Variants in TRAF3 observed in about 807,000 individuals in gnomAD.
TRAF3 encodes the protein TNF receptor-associated factor 3.
Under a neutral mutation model 62.3 loss-of-function variants are expected in TRAF3, and 13 were observed. The observed-to-expected ratio is 0.21, with a 90% CI of 0.14 to 0.33. TRAF3 has a LOEUF of 0.33. Ranked by LOEUF, TRAF3 falls within the 10% of genes least tolerant of loss-of-function variation. The pLI, the probability that TRAF3 is intolerant of heterozygous loss-of-function variation, is 1.00. For missense variants in TRAF3, 440 were observed against 741.8 expected (o/e 0.59, Z 4.73); for synonymous variants, 269 against 283.4 (o/e 0.95, Z 0.51).
At chr14:102,851,753 G>A (rs1000690428) in intron 2 of TRAF3, among the ~76,000 whole-genome samples, 3 of 151,312 alleles carry the variant, frequency 2.0e-5, no homozygotes, top group African/African-American at 4.9e-5. Flanking sequence ...CAAAAAAAAA[G>A]AAATTATCAT....
At chr14:102,831,800 T>C (rs528704775) in intron 2 of TRAF3, among the ~76,000 whole-genome samples, 2 of 152,358 alleles carry the variant, frequency 1.3e-5, no homozygotes, top group South Asian at 4.1e-4. Context: ...TGGGCAGTTT[T>C]ATCATTCATC....
chr14:102,890,012 G>C (rs1352115223), intron 8 of TRAF3, among the ~76,000 whole-genome samples: 1 of 152,252 alleles, frequency 6.6e-6, no homozygotes, highest in Non-Finnish European at 1.5e-5. Context: ...TCAACAGCGT[G>C]TGTGTCAGTA....
At chr14:102,789,020 C>G (rs1276894277) in intron 1 of TRAF3, among the ~76,000 whole-genome samples, 2 of 152,178 alleles carry the variant, frequency 1.3e-5, no homozygotes, top group Non-Finnish European at 2.9e-5. Flanking sequence ...TAAGTAATCA[C>G]TCCCATTCCC....
At chr14:102,855,595 AG>A (rs1039527183) in intron 2 of TRAF3, among the ~76,000 whole-genome samples, 28 of 152,116 alleles carry the variant, frequency 1.8e-4, no homozygotes, top group Non-Finnish European at 3.4e-4. Context: ...CAGGAGTTTG[AG>A]ACCACCCTGG....
Position 102,891,314 on chromosome 14 carries a change from T to C in TRAF3, c.727-11T>C, listed in dbSNP as rs1889700083. The C allele has an allele frequency of 6.2e-7, 1 of 1,611,928 alleles. No individual in the cohort carries two copies. Among genetic ancestry groups the C allele is most frequent in the South Asian group, 1.1e-5 (1 of 90,810 alleles). The stretch of plus-strand genomic sequence containing the variant: ...AGGTTCGCTGAATGCCTCACATGTT[T>C]GCTCTCGCAGGGGACAAACCAGCAG... On this transcript the variant is annotated splice_polypyrimidine_tract_variant and intron_variant, in intron 8 of 11. Coordinates refer to ENST00000392745, the MANE Select transcript of TRAF3 (RefSeq NM_145725.3).
intron 1 of TRAF3, among the ~76,000 whole-genome samples, chr14:102,792,661 C>G (rs1443784477): frequency 6.6e-6 from 1 of 151,170 alleles, no homozygotes. Flanking sequence ...TTTCATTGTT[C>G]TAGTAATGTA....
intron 2 of TRAF3, among the ~76,000 whole-genome samples, chr14:102,857,156 A>G (rs180708521): frequency 6.6e-6 from 1 of 152,222 alleles, no homozygotes; most frequent in Non-Finnish European, 1.5e-5. Flanking sequence ...CAGAATTAGA[A>G]TATTGATCCA....
intron 2 of TRAF3, among the ~76,000 whole-genome samples, chr14:102,852,227 T>C (rs1887086933): frequency 6.6e-6 from 1 of 152,184 alleles, no homozygotes; most frequent in Admixed American, 6.5e-5. Context: ...CTCAGCCTTC[T>C]GAGCAGGCAC....
intron 1 of TRAF3, among the ~76,000 whole-genome samples, chr14:102,779,650 CAGGTT>C (rs1897190142): frequency 6.6e-6 from 1 of 152,168 alleles, no homozygotes; most frequent in Non-Finnish European, 1.5e-5. Flanking sequence ...ATGATATTGT[CAGGTT>C]AGGTGAGAAT....
At chr14:102,829,906 G>C (rs1900565844) in intron 1 of TRAF3, among the ~76,000 whole-genome samples, 1 of 152,314 alleles carries the variant, frequency 6.6e-6, no homozygotes. Flanking sequence ...AAGGCAGGAG[G>C]ATCGCTTGAG....
At chr14:102,865,069 T>G (rs1422634397) in intron 2 of TRAF3, among the ~76,000 whole-genome samples, 1 of 152,130 alleles carries the variant, frequency 6.6e-6, no homozygotes, top group African/African-American at 2.4e-5. Flanking sequence ...CTTCAGGAGG[T>G]GATCAGGGGA....
At chr14:102,810,085 A>G (rs905197284) in intron 1 of TRAF3, among the ~76,000 whole-genome samples, 1 of 152,224 alleles carries the variant, frequency 6.6e-6, no homozygotes, top group Non-Finnish European at 1.5e-5. Flanking sequence ...CATGAAACAT[A>G]AAATAGTTAC....
intron 1 of TRAF3, among the ~76,000 whole-genome samples, chr14:102,809,642 CCTGT>C (rs766461917): frequency 4.8e-4 from 72 of 150,436 alleles, no homozygotes; most frequent in Admixed American, 8.0e-4. Context: ...ATGCTATTCT[CCTGT>C]CTGTCTCCTG....
intron 9 of TRAF3, among the ~76,000 whole-genome samples, chr14:102,895,576 G>A (rs1317892406): frequency 1.3e-5 from 2 of 152,148 alleles, no homozygotes; most frequent in Non-Finnish European, 2.9e-5. Flanking sequence ...GGCACACATC[G>A]GATCTGGCAC....
rs1888359642 is a variant in TRAF3, at chr14:102,871,855, C to T, written c.246-62C>T. 4 of 1,503,874 alleles carry T rather than the reference C, an allele frequency of 2.7e-6. No homozygotes were observed. In the South Asian group the frequency reaches 4.5e-5, roughly 17 times the overall value. 93.2% of individuals were successfully genotyped at this position (1,503,874 alleles called of 1,614,324 possible). A position where few individuals can be genotyped will look rare whatever the true frequency, so the allele number is the denominator to read the frequency against. Reference sequence around the variant, plus strand: ...ACCATAAAGTGAATGCTCCCAGAATCTCCTGAGTCCTCTCAAGAAAGGGAC... The same window carrying T: ...ACCATAAAGTGAATGCTCCCAGAATTTCCTGAGTCCTCTCAAGAAAGGGAC... On this transcript the variant is annotated intron_variant, in intron 3 of 11. Transcript: ENST00000392745.
At chr14:102,827,010 G>C (rs1301463575) in intron 1 of TRAF3, among the ~76,000 whole-genome samples, 1 of 152,196 alleles carries the variant, frequency 6.6e-6, no homozygotes. Flanking sequence ...CTGTGAGGGA[G>C]GGACGGGCTC....
rs1440812714 is a variant in TRAF3, at chr14:102,826,351, AG to A, written c.-156-3981del. Among the ~76,000 whole-genome samples, 1 of 152,192 alleles carries A rather than the reference AG, an allele frequency of 6.6e-6. No homozygotes were observed. The highest frequency in any genetic ancestry group is 1.5e-5 in the Non-Finnish European group (1 of 68,030). On this transcript the variant is annotated intron_variant, in intron 1 of 11. Transcript: ENST00000392745. This position sits in a 1 kb window ranked among gnomAD's most constrained non-coding sequence, Gnocchi z 4.6. ...AGTCCTCCAGGAATGTGGCAGCAGA[AG>A]GAACACGTTGAGCACCGCAGATACC... is the stretch of plus-strand genomic sequence containing the variant.
At chr14:102,800,622 C>T (rs191768813) in intron 1 of TRAF3, among the ~76,000 whole-genome samples, 1 of 151,634 alleles carries the variant, frequency 6.6e-6, no homozygotes, top group African/African-American at 2.4e-5. Context: ...TATTTATAAT[C>T]TCTATTCCAC....
intron 2 of TRAF3, among the ~76,000 whole-genome samples, chr14:102,854,272 A>G (rs1407159188): frequency 6.6e-6 from 1 of 152,134 alleles, no homozygotes. Flanking sequence ...TTTTGCGTGA[A>G]CAGACTGGTT....
Sources: allele counts gnomAD v4.1 joint callset (sites outside exome capture counted in the v4.1 genomes callset), GRCh38; gene constraint gnomAD v4.1.1; non-coding constraint Gnocchi (gnomAD v3.1); transcripts MANE v1.5; gene names NCBI Gene and HGNC (gene_info 2026-07-23, HGNC 2026-07-21).